The following PHF24 variants were observed in gnomAD, a reference collection of about 807,000 sequenced individuals.
PHF24 encodes the protein PHD finger protein 24, also known as Galpha inhibitory interacting protein.
In PHF24, 25 loss-of-function variants were observed where a neutral mutation model predicts 42.6. The ratio of observed to expected loss-of-function variants is 0.59; its 90% CI spans 0.43 to 0.82. The LOEUF is 0.82. Ranked by LOEUF, PHF24 falls within the 40% of genes least tolerant of loss-of-function variation. The pLI, the probability that PHF24 is intolerant of heterozygous loss-of-function variation, is 0.00. For synonymous variants in PHF24, 185 were observed against 204.8 expected (o/e 0.90, Z 0.83); for missense variants, 470 against 538.1 (o/e 0.87, Z 1.25).
exon 8 of PHF24, chr9:34,979,416 C>A (rs1489769910): frequency 6.6e-6 from 1 of 152,252 alleles, no homozygotes; most frequent in Non-Finnish European, 1.5e-5. Context: ...CCAAGCCTGG[C>A]CTCCAAGCCC....
the PHF24 span, among the ~76,000 whole-genome samples, chr9:34,839,969 G>C: frequency 6.6e-6 from 1 of 152,134 alleles, no homozygotes; most frequent in African/African-American, 2.4e-5. Flanking sequence ...AGGTGGCAGA[G>C]AAAATTCCTA....
At chr9:34,783,013 C>T in the PHF24 span, among the ~76,000 whole-genome samples, 1 of 152,142 alleles carries the variant, frequency 6.6e-6, no homozygotes. Flanking sequence ...TGTTTCTGAC[C>T]TATCTCTTTT....
At chr9:34,703,579 A>G in the PHF24 span, among the ~76,000 whole-genome samples, 3 of 152,054 alleles carry the variant, frequency 2.0e-5, no homozygotes, top group African/African-American at 7.2e-5. Context: ...GTGGCCAGCC[A>G]AAGTGTGGCC....
At chr9:34,926,182 A>G in the PHF24 span, among the ~76,000 whole-genome samples, 51 of 152,238 alleles carry the variant, frequency 3.4e-4, no homozygotes, top group African/African-American at 1.2e-3. The surrounding 1 kb of genome is among the most constrained non-coding windows in gnomAD (Gnocchi z 4.3). Context: ...ATGTGTGTGC[A>G]TATGGTGAGT....
At chr9:34,832,344 C>T in the PHF24 span, 200 of 717,732 alleles carry the variant, frequency 2.8e-4, no homozygotes, top group Non-Finnish European at 4.1e-4. Context: ...AGGACAGTGA[C>T]GAGGACAGTG....
At chr9:34,665,988 G>T in the PHF24 span, 56 of 431,214 alleles carry the variant, frequency 1.3e-4, no homozygotes, top group African/African-American at 2.2e-4. Flanking sequence ...CTGGAGGGGG[G>T]GCTGAGAGGG....
chr9:34,833,259 T>C, the PHF24 span: 1 of 1,550,808 alleles, frequency 6.4e-7, no homozygotes, highest in Non-Finnish European at 8.7e-7. Context: ...TTGTTCACAC[T>C]GGCCTCTACC....
the PHF24 span, among the ~76,000 whole-genome samples, chr9:34,715,096 GT>G: frequency 6.6e-6 from 1 of 152,054 alleles, no homozygotes; most frequent in East Asian, 1.9e-4. Flanking sequence ...TAGAATCAAG[GT>G]TAGGAGCCCT....
chr9:34,760,520 T>G, the PHF24 span, among the ~76,000 whole-genome samples: 1 of 152,316 alleles, frequency 6.6e-6, no homozygotes. Context: ...AGCTAGAATT[T>G]CCAAGAAGTT....
chr9:34,907,253 C>A, the PHF24 span, among the ~76,000 whole-genome samples: 1 of 152,206 alleles, frequency 6.6e-6, no homozygotes, highest in Non-Finnish European at 1.5e-5. Flanking sequence ...CCTCCCAACT[C>A]CTGGGTCCAT....
the PHF24 span, among the ~76,000 whole-genome samples, chr9:34,895,401 G>T: frequency 6.6e-6 from 1 of 152,276 alleles, no homozygotes; most frequent in East Asian, 1.9e-4. Context: ...AAGGAGTTCA[G>T]CCATCAAATG....
upstream of PHF24, among the ~76,000 whole-genome samples, chr9:34,954,848 C>T (rs1181331532): frequency 6.6e-6 from 1 of 152,170 alleles, no homozygotes; most frequent in Non-Finnish European, 1.5e-5. Context: ...GAGCAAGACC[C>T]TGTCTCAAAA....
intron 6 of PHF24, 89 bp from the exon 7 acceptor site, chr9:34,977,457 C>A: frequency 1.5e-6 from 2 of 1,365,938 alleles, no homozygotes; most frequent in Non-Finnish European, 2.0e-6. Flanking sequence ...CCTGGATGAG[C>A]ATGTCCAGAG....
the PHF24 span, among the ~76,000 whole-genome samples, chr9:34,932,199 T>C: frequency 1.3e-5 from 2 of 152,164 alleles, no homozygotes; most frequent in Non-Finnish European, 2.9e-5. Flanking sequence ...AATATTCCCC[T>C]GGGCTAAGGG....
the PHF24 span, among the ~76,000 whole-genome samples, chr9:34,820,438 A>G: frequency 1.3e-5 from 2 of 151,962 alleles, no homozygotes; most frequent in Non-Finnish European, 2.9e-5. Context: ...CTTTGTGTCC[A>G]TGTGTACTCA....
chr9:34,934,804 A>T, the PHF24 span, among the ~76,000 whole-genome samples: 1 of 152,172 alleles, frequency 6.6e-6, no homozygotes, highest in Non-Finnish European at 1.5e-5. Context: ...AAGGCACATA[A>T]TGGGTGCTGA....
chr9:34,866,518 A>G, the PHF24 span, among the ~76,000 whole-genome samples: 1 of 152,236 alleles, frequency 6.6e-6, no homozygotes, highest in Admixed American at 6.5e-5. Context: ...GACCAGCCAC[A>G]AGGTTATGAA....
chr9:34,874,835 A>G, the PHF24 span, among the ~76,000 whole-genome samples: 2 of 152,140 alleles, frequency 1.3e-5, no homozygotes, highest in Non-Finnish European at 2.9e-5. Flanking sequence ...GTGGGTACAT[A>G]GTAAGTGTAT....
chr9:34,842,902 T>C, the PHF24 span, among the ~76,000 whole-genome samples: 1 of 152,242 alleles, frequency 6.6e-6, no homozygotes, highest in South Asian at 2.1e-4. Context: ...TCCTTTTTAA[T>C]TTTAGCCATT....
Sources: allele counts gnomAD v4.1 joint callset (sites outside exome capture counted in the v4.1 genomes callset), GRCh38; gene constraint gnomAD v4.1.1; non-coding constraint Gnocchi (gnomAD v3.1); transcripts MANE v1.5; gene names NCBI Gene and HGNC (gene_info 2026-07-23, HGNC 2026-07-21).